Variants in ZNF853 observed in about 807,000 individuals in gnomAD.
ZNF853 encodes zinc finger protein 853.
ZNF853 carries 57 observed loss-of-function variants against 94.7 expected under a neutral mutation model. That is an observed-to-expected ratio of 0.60 (90% CI 0.49 to 0.75). The LOEUF (loss-of-function observed/expected upper bound fraction) is 0.75, where lower values mean the gene tolerates loss of function less well. ZNF853 is among the 30% of genes least tolerant of loss of function. The probability of loss-of-function intolerance (pLI) is 0.00; values close to 1 mark genes in which losing one functional copy is unlikely to be tolerated. For synonymous variants in ZNF853, 448 were observed against 406.3 expected (o/e 1.10, Z -1.23); for missense variants, 785 against 868.9 (o/e 0.90, Z 1.21).
chr7:6,622,521 GCGGC>G lies in ZNF853; in HGVS notation c.1532_1535del (p.Arg511HisfsTer18). 1 of 1,548,436 alleles carries G rather than the reference GCGGC, an allele frequency of 6.5e-7. No individual in the cohort carries two copies. The highest frequency in any genetic ancestry group is 8.7e-7 in the Non-Finnish European group (1 of 1,146,554). On this transcript the variant is annotated frameshift_variant, in exon 3 of 3. Coordinates refer to ENST00000457543, the MANE Select transcript of ZNF853 (RefSeq NM_017560.3). LOFTEE classifies it high-confidence loss of function. ...GCCACCAGGCCACGCACACGGGTGA[GCGGC>G]CACACCGCTGCGGCGAGTGCGGCAA...
rs1472144262 is a variant in ZNF853, at chr7:6,623,963, CTG to C, written c.*995_*996del. On this transcript the variant is annotated 3_prime_UTR_variant, in exon 3 of 3. Transcript: ENST00000457543. ...GTTTGGAGGGCTGCCTGAGCAGACA[CTG>C]TGCCATTGCTGGGGCTGGGGAAAGA... 3 of 152,370 alleles carry C rather than the reference CTG, an allele frequency of 2.0e-5. No homozygotes were observed. The highest frequency in any genetic ancestry group is 4.8e-5 in the African/African-American group (2 of 41,466). 9.4% of individuals were successfully genotyped at this position (152,370 alleles called of 1,614,324 possible). A position where few individuals can be genotyped will look rare whatever the true frequency, so the allele number is the denominator to read the frequency against.
At position 6,616,199 on chromosome 7, in the gene ZNF853, G is replaced by T; in HGVS notation, c.12+13G>T. 10 of 1,548,060 alleles carry T rather than the reference G, an allele frequency of 6.5e-6. No homozygotes were observed. Among genetic ancestry groups the T allele is most frequent in the Non-Finnish European group, 8.7e-6 (10 of 1,144,942 alleles). ...AATGCTCCACCAGGTGAGGCCCAGGGGGTCGTTGGCGCTGGGCAACCGGGG... is the reference window on the plus strand; with the variant it reads ...AATGCTCCACCAGGTGAGGCCCAGGTGGTCGTTGGCGCTGGGCAACCGGGG... On this transcript the variant is annotated intron_variant, in intron 1 of 2. Transcript: ENST00000457543.
At position 6,621,835 on chromosome 7, in the gene ZNF853, C is replaced by G. The variant is rs1456675199; in HGVS notation, c.844C>G (p.Gln282Glu). The stretch of plus-strand genomic sequence containing the variant: ...GTTACAGCAGCAGCTACTGCTGCAG[C>G]AGCAGGAACAGTTACAGCAGCAGCA... ...AQLQQQLLLQ[Q>E]QEQLQQQQQQ... Residue 282 changes from glutamine (Q) to glutamate (E), a missense_variant, in exon 3 of 3, where the codon CAG becomes GAG. Physicochemically the swap from Gln to Glu is conservative, Grantham distance 29. Transcript: ENST00000457543. The G allele has an allele frequency of 1.9e-6, 3 of 1,550,562 alleles. No homozygotes were observed. Among genetic ancestry groups the G allele is most frequent in the African/African-American group, 1.4e-5 (1 of 73,046 alleles).
chr7:6,616,227 G>A, intron 1 of ZNF853, 41 bp downstream of exon 1: 11 of 1,543,826 alleles, frequency 7.1e-6, no homozygotes, highest in Admixed American at 2.0e-5. Flanking sequence ...AACCGGGGAC[G>A]CGTCCCTTGA....
rs191155601 is a variant in ZNF853 at position 6,616,107 on chromosome 7, C to A, written c.-68C>A. 9.5e-4 allele frequency: 1,414 copies of A among 1,493,370 alleles called. 21 individuals are homozygous for A. The African/African-American group carries it at 0.017, about 18-fold the overall frequency. The allele number at this position is 1,493,370 out of a possible 1,614,324, so 92.5% of individuals were successfully genotyped here. On this transcript the variant is annotated 5_prime_UTR_variant, in exon 1 of 3. Transcript: ENST00000457543. ...CCTCCGGAAGGAGCCGGCTGCACGCCGTGGCCTTCACCTCGCAGCCTCTGC... is the reference window on the plus strand; with the variant it reads ...CCTCCGGAAGGAGCCGGCTGCACGCAGTGGCCTTCACCTCGCAGCCTCTGC...
At chr7:6,618,239 G>A in intron 2 of ZNF853, among the ~76,000 whole-genome samples, 1 of 152,182 alleles carries the variant, frequency 6.6e-6, no homozygotes, top group African/African-American at 2.4e-5. Context: ...AGAGGTTGCA[G>A]TGAGCCAGGA....
chr7:6,621,828 G>T lies in ZNF853; in HGVS notation c.837G>T (p.Leu279=). Residue 279 remains leucine, a synonymous_variant, in exon 3 of 3, where the codon CTG becomes CTT. Transcript: ENST00000457543. ...AGGCACAGTTACAGCAGCAGCTACT[G>T]CTGCAGCAGCAGGAACAGTTACAGC... ...QQQAQLQQQL[L]LQQQEQLQQQ... is the part of the protein sequence containing the mutation. The T allele has an allele frequency of 6.4e-7, 1 of 1,550,402 alleles. No individual in the cohort carries two copies. Among genetic ancestry groups the T allele is most frequent in the Non-Finnish European group, 8.7e-7 (1 of 1,146,608 alleles).
Position 6,621,952 on chromosome 7 carries a change from G to A in ZNF853, c.961G>A (p.Glu321Lys), listed in dbSNP as rs549897688. ...PLEPEEEEEV[E>K]LELMPVDLGS... ...GGAGCCCGAGGAGGAGGAAGAGGTG[G>A]AGCTGGAGCTCATGCCGGTGGACCT... The change falls in exon 3 of 3, where the codon GAG becomes AAG. Residue 321 changes from glutamate to lysine, a missense_variant. Coordinates refer to ENST00000457543, the MANE Select transcript of ZNF853 (RefSeq NM_017560.3). 3 of 1,551,002 alleles carry A rather than the reference G, an allele frequency of 1.9e-6. No homozygotes were observed. In the South Asian group the frequency reaches 3.6e-5, roughly 18 times the overall value.
At chr7:6,616,479 C>G in intron 1 of ZNF853, among the ~76,000 whole-genome samples, 1 of 152,180 alleles carries the variant, frequency 6.6e-6, no homozygotes, top group South Asian at 2.1e-4. Flanking sequence ...GTGGCTCACT[C>G]CTATAATCCC....
intron 1 of ZNF853, 78 bp downstream of exon 1, chr7:6,616,264 C>T: frequency 2.1e-6 from 3 of 1,459,748 alleles, no homozygotes; most frequent in South Asian, 1.3e-5. Flanking sequence ...TGGCACGAGT[C>T]GGCCTGTTTA....
At position 6,621,395 on chromosome 7, in the gene ZNF853, A is replaced by T; in HGVS notation, c.404A>T (p.Gln135Leu). The T allele has an allele frequency of 6.4e-7, 1 of 1,551,756 alleles. No individual in the cohort carries two copies. Among genetic ancestry groups the T allele is most frequent in the Non-Finnish European group, 8.7e-7 (1 of 1,147,018 alleles). The change falls in exon 3 of 3, where the codon CAG becomes CTG. Residue 135 changes from glutamine (Q) to leucine (L), a missense_variant. By Grantham distance (113) the Gln-to-Leu change is moderately radical (BLOSUM62 -2). Transcript: ENST00000457543. ...CAACAACAGCTATCTCAACTACAACAGGAAAAACACCAATCCGTGCACCAT... is the reference window on the plus strand; with the variant it reads ...CAACAACAGCTATCTCAACTACAACTGGAAAAACACCAATCCGTGCACCAT... ...DGQQQLSQLQ[Q>L]EKHQSVHHQE... is the part of the protein sequence containing the mutation.
At chr7:6,617,545 C>T in intron 2 of ZNF853, 39 of 967,852 alleles carry the variant, frequency 4.0e-5, no homozygotes, top group South Asian at 1.4e-4. Flanking sequence ...AACACTCACA[C>T]GCGCTGCTGG....
Position 6,623,000 on chromosome 7 carries a change from AG to A in ZNF853, c.*33del, listed in dbSNP as rs1185684717. On this transcript the variant is annotated 3_prime_UTR_variant, in exon 3 of 3. Transcript: ENST00000457543. ...CCGTGATCGGGGCTGCCTGGCCGGG[AG>A]GGGACCCCCCACCCGCCTCCACCTG... The A allele has an allele frequency of 1.2e-4, 147 of 1,241,526 alleles. No homozygotes were observed. Among genetic ancestry groups the A allele is most frequent in the Non-Finnish European group, 1.4e-4 (139 of 994,032 alleles). 76.9% of individuals were successfully genotyped at this position (1,241,526 alleles called of 1,614,324 possible). A position where few individuals can be genotyped will look rare whatever the true frequency, so the allele number is the denominator to read the frequency against.
In ZNF853 at chr7:6,621,715, C is replaced by T. The variant is rs964259107; in HGVS notation, c.724C>T (p.Leu242=). Residue 242 remains leucine (L), a synonymous_variant, in exon 3 of 3, where the codon CTA becomes TTA. Transcript: ENST00000457543. ...ACAGTTACAGCAGCAGCAGCAGCTA[C>T]TATTGCTGCAGCAGCAGGGACAGTT... ...QEQLQQQQQL[L]LLQQQGQLQQ... 6.4e-7 allele frequency: 1 copy of T among 1,551,126 alleles called. No individual in the cohort carries two copies. Among genetic ancestry groups the T allele is most frequent in the Non-Finnish European group, 8.7e-7 (1 of 1,146,986 alleles).
At chr7:6,617,514 A>T in intron 2 of ZNF853, 1 of 880,138 alleles carries the variant, frequency 1.1e-6, no homozygotes, top group Non-Finnish European at 1.4e-6. Context: ...CCCGCTCCCC[A>T]CATGGGTGCT....
Position 6,622,365 on chromosome 7 carries a change from G to A in ZNF853, c.1374G>A (p.Val458=), listed in dbSNP as rs1231081399. 21 of 1,415,598 alleles carry A rather than the reference G, an allele frequency of 1.5e-5. No homozygotes were observed. Among genetic ancestry groups the A allele is most frequent in the Non-Finnish European group, 1.9e-5 (21 of 1,092,216 alleles). 87.7% of individuals were successfully genotyped at this position (1,415,598 alleles called of 1,614,324 possible). A position where few individuals can be genotyped will look rare whatever the true frequency, so the allele number is the denominator to read the frequency against. ...VLPAVAAPAV[V]AIPGPAGSAA... The stretch of plus-strand genomic sequence containing the variant: ...CCGCCGTGGCAGCGCCGGCCGTGGT[G>A]GCCATCCCGGGCCCGGCAGGCAGCG... Residue 458 remains valine, a synonymous_variant, in exon 3 of 3, where the codon GTG becomes GTA. Coordinates refer to ENST00000457543, the MANE Select transcript of ZNF853 (RefSeq NM_017560.3).
At chr7:6,620,519 C>T in intron 2 of ZNF853, among the ~76,000 whole-genome samples, 1 of 152,136 alleles carries the variant, frequency 6.6e-6, no homozygotes, top group Non-Finnish European at 1.5e-5. Context: ...GATCAGGGAG[C>T]TGGGGTCCAG....
Position 6,621,704 on chromosome 7 carries a change from A to C in ZNF853, c.713A>C (p.Gln238Pro), listed in dbSNP as rs1345776750. 6.4e-7 allele frequency: 1 copy of C among 1,551,306 alleles called. No individual in the cohort carries two copies. Residue 238 changes from glutamine to proline, a missense_variant, in exon 3 of 3, where the codon CAG becomes CCG. Transcript: ENST00000457543. ...CAGCAGCAGGAACAGTTACAGCAGCAGCAGCAGCTACTATTGCTGCAGCAG... is the reference window on the plus strand; with the variant it reads ...CAGCAGCAGGAACAGTTACAGCAGCCGCAGCAGCTACTATTGCTGCAGCAG... ...FQQQQEQLQQ[Q>P]QQLLLLQQQG...
At position 6,622,677 on chromosome 7, in the gene ZNF853, G is replaced by A. The variant is rs549596355; in HGVS notation, c.1686G>A (p.Thr562=). The stretch of plus-strand genomic sequence containing the variant: ...CGGCGCTCGTGCAGCACCAGCGCAC[G>A]CACACCGGGGAGCGACCCTACGCCT... ...ESSALVQHQR[T]HTGERPYACG... is the part of the protein sequence containing the mutation. The change falls in exon 3 of 3, where the codon ACG becomes ACA. Residue 562 remains threonine, a synonymous_variant. Transcript: ENST00000457543. The A allele has an allele frequency of 1.8e-5, 28 of 1,578,334 alleles. No individual in the cohort carries two copies. The East Asian group carries it at 5.9e-4, about 33-fold the overall frequency.
Sources: allele counts gnomAD v4.1 joint callset (sites outside exome capture counted in the v4.1 genomes callset), GRCh38; gene constraint gnomAD v4.1.1; transcripts MANE v1.5; gene names NCBI Gene and HGNC (gene_info 2026-07-23, HGNC 2026-07-21).